Variants in TAF7L observed in about 807,000 individuals in gnomAD.
The protein encoded by TAF7L is transcription initiation factor TFIID subunit 7-like.
A neutral mutation model predicts 30.2 loss-of-function variants in TAF7L; 6 were observed. The ratio of observed to expected loss-of-function variants is 0.20; its 90% CI spans 0.11 to 0.39. The LOEUF is 0.39. Ranked by LOEUF, TAF7L falls within the 10% of genes least tolerant of loss-of-function variation. TAF7L has a pLI of 1.00. For synonymous variants in TAF7L, 93 were observed against 94.5 expected (o/e 0.98, Z 0.09); for missense variants, 284 against 277.1 (o/e 1.03, Z -0.18).
intron 4 of TAF7L, among the ~76,000 whole-genome samples, 156 bp downstream of exon 4, chrX:101,283,294 G>T (rs752661744): frequency 9.0e-6 from 1 of 111,666 alleles, no homozygotes; most frequent in Admixed American, 9.6e-5. Flanking sequence ...AACACCAAAC[G>T]AGAACATGAC....
Position 101,281,786 on chromosome X carries a change from T to G in TAF7L, c.407-11A>C. 8.3e-7 allele frequency: 1 copy of G among 1,198,344 alleles called. No individual in the cohort carries two copies. The highest frequency in any genetic ancestry group is 1.1e-6 in the Non-Finnish European group (1 of 884,739). The stretch of plus-strand genomic sequence containing the variant: ...TAAGTGGTGGCGTAACTAAAATAAA[T>G]ACAACACAGTGAAACGTTATATGAC... On this transcript the variant is annotated splice_polypyrimidine_tract_variant and intron_variant, in intron 5 of 12. Transcript: ENST00000356784.
chrX:101,281,950 A>T (rs1315452843), intron 5 of TAF7L, among the ~76,000 whole-genome samples, 175 bp from the exon 6 acceptor site: 2 of 100,499 alleles, frequency 2.0e-5, no homozygotes, highest in African/African-American at 7.5e-5. Flanking sequence ...CAGTGGTGCG[A>T]GCTCAGCTTA....
rs199759165 is a variant in TAF7L, at chrX:101,276,425, TTCATCCTCATCC to T, written c.783_794del (p.Glu265_Asp268del). The T allele has an allele frequency of 8.7e-5, 105 of 1,205,226 alleles. No individual in the cohort carries two copies. Among genetic ancestry groups the T allele is most frequent in the East Asian group, 3.3e-4 (11 of 33,720 alleles). On this transcript the variant is annotated inframe_deletion, in exon 10 of 13. Transcript: ENST00000356784. ...CCTCCTCCTCTTCTTTGTCTTCATC[TTCATCCTCATCC>T]TCATCCTCATCCTCATCTTCATCAT...
intron 3 of TAF7L, 40 bp downstream of exon 3, chrX:101,286,535 T>C (rs41304452): frequency 9.9e-7 from 1 of 1,011,845 alleles, no homozygotes; most frequent in African/African-American, 1.9e-5. Context: ...CCTTAATAAA[T>C]TATTGTTCAA....
chrX:101,282,984 A>G (rs1276898974), intron 4 of TAF7L, among the ~76,000 whole-genome samples: 1 of 108,874 alleles, frequency 9.2e-6, no homozygotes, highest in Non-Finnish European at 1.9e-5. Flanking sequence ...TTGGTCTCAA[A>G]CTCCTGGGCT....
At position 101,269,222 on chromosome X, in the gene TAF7L, C is replaced by T. The variant is rs371321321; in HGVS notation, c.1102G>A (p.Glu368Lys). 72 of 1,206,197 alleles carry T rather than the reference C, an allele frequency of 6.0e-5. No homozygotes were observed. The African/African-American group carries it at 1.1e-3, about 18-fold the overall frequency. ...TTCTTCAGAAAACGCTGCAACTGTT[C>T]CTGTAGGGAAATGAGCTGTAGGGAG... is the stretch of plus-strand genomic sequence containing the variant. Reference protein sequence around the residue: ...QKNEKLISLQEQLQRFLKK With the variant: ...QKNEKLISLQKQLQRFLKK Residue 368 changes from glutamate (E) to lysine (K), a missense_variant, in exon 13 of 13, where the codon GAA becomes AAA. Transcript: ENST00000356784.
At chrX:101,292,261 A>T (rs796609890), upstream of TAF7L, among the ~76,000 whole-genome samples, 84 of 28,229 alleles carry the variant, frequency 3.0e-3, no homozygotes, top group South Asian at 0.017. Context: ...ATAAATAAAA[A>T]AAATAAATAA....
At chrX:101,286,488 C>T in intron 3 of TAF7L, 87 bp downstream of exon 3, 1 of 659,655 alleles carries the variant, frequency 1.5e-6, no homozygotes, top group Non-Finnish European at 2.3e-6. Flanking sequence ...TTTTTCACAT[C>T]CTTAGTACCA....
upstream of TAF7L, among the ~76,000 whole-genome samples, chrX:101,291,949 C>A (rs1444534141): frequency 9.9e-6 from 1 of 101,199 alleles, no homozygotes; most frequent in Admixed American, 1.1e-4. Flanking sequence ...TCCTAAGAGG[C>A]GAGTTGGGCC....
chrX:101,286,192 A>AAAAGAAAGAAAG (rs1005206920), intron 3 of TAF7L, among the ~76,000 whole-genome samples: 2 of 106,254 alleles, frequency 1.9e-5, no homozygotes. Context: ...AAAAAAAAAA[A>AAAAGAAAGAAAG]AAAGAAAGAA....
At chrX:101,281,988 C>T (rs1262656932) in intron 5 of TAF7L, among the ~76,000 whole-genome samples, 1 of 107,278 alleles carries the variant, frequency 9.3e-6, no homozygotes, top group African/African-American at 3.4e-5. Context: ...TAGGTTCAAG[C>T]GATTCTCCTG....
chrX:101,273,013 A>G (rs1924021805), intron 12 of TAF7L, among the ~76,000 whole-genome samples: 3 of 111,689 alleles, frequency 2.7e-5, no homozygotes, highest in African/African-American at 9.8e-5. Context: ...GGCTGAAGCC[A>G]TCTGCCCACT....
chrX:101,279,973 A>C (rs1033705193), intron 6 of TAF7L, among the ~76,000 whole-genome samples: 108 of 110,866 alleles, frequency 9.7e-4, no homozygotes, highest in African/African-American at 3.1e-3. Flanking sequence ...AACAACAAAA[A>C]AAAAACCTTG....
At chrX:101,274,920 A>T (rs1410660574) in intron 12 of TAF7L, among the ~76,000 whole-genome samples, 2 of 112,249 alleles carry the variant, frequency 1.8e-5, no homozygotes, top group African/African-American at 6.5e-5. Context: ...TGGTTTCATT[A>T]TATATACATT....
chrX:101,283,993 A>G (rs1049739414), intron 3 of TAF7L, among the ~76,000 whole-genome samples: 12 of 110,067 alleles, frequency 1.1e-4, no homozygotes, highest in African/African-American at 4.0e-4. Flanking sequence ...GACTGACCCT[A>G]GAATGGTGCT....
At position 101,282,559 on chromosome X, in the gene TAF7L, A is replaced by T. The variant is rs771549902; in HGVS notation, c.280-106T>A. 61 of 920,651 alleles carry T rather than the reference A, an allele frequency of 6.6e-5. No individual in the cohort carries two copies. The African/African-American group carries it at 1.1e-3, about 17-fold the overall frequency. 75.9% of individuals were successfully genotyped at this position (920,651 alleles called of 1,213,427 possible). ...TGCACAGAAGAGACTGATACTTGCC[A>T]TTTCCAGAAAACCAAGTATTTTGTA... On this transcript the variant is annotated intron_variant, in intron 4 of 12. Transcript: ENST00000356784.
At chrX:101,292,259 AAAAAAT>A (rs1389043862), upstream of TAF7L, among the ~76,000 whole-genome samples, 18 of 38,432 alleles carry the variant, frequency 4.7e-4, no homozygotes, top group African/African-American at 1.4e-3. Context: ...AAATAAATAA[AAAAAAT>A]AAATAAAAAT....
intron 12 of TAF7L, among the ~76,000 whole-genome samples, chrX:101,271,722 G>C (rs1923969844): frequency 9.0e-6 from 1 of 111,553 alleles, no homozygotes. Context: ...CTGCTGCTAT[G>C]TTATGATGGC....
At chrX:101,275,418 G>C in intron 11 of TAF7L, 137 bp from the exon 12 acceptor site, 1 of 440,262 alleles carries the variant, frequency 2.3e-6, no homozygotes, top group Non-Finnish European at 3.7e-6. Flanking sequence ...ACCCAGGCTG[G>C]AGTGCAGTGG....
Sources: allele counts gnomAD v4.1 joint callset (sites outside exome capture counted in the v4.1 genomes callset), GRCh38; gene constraint gnomAD v4.1.1; transcripts MANE v1.5; gene names NCBI Gene and HGNC (gene_info 2026-07-23, HGNC 2026-07-21).